CYP27A1: variants seen among roughly 807,000 people sequenced by gnomAD.
The protein encoded by CYP27A1 is sterol 26-hydroxylase, mitochondrial.
A neutral mutation model predicts 58.2 loss-of-function variants in CYP27A1; 46 were observed. The observed-to-expected ratio is 0.79, with a 90% CI of 0.62 to 1.01. The LOEUF (loss-of-function observed/expected upper bound fraction) is 1.01, where lower values mean the gene tolerates loss of function less well. Among genes scored for constraint, CYP27A1 ranks in the 50% least tolerant of loss-of-function variants. The pLI is 0.00. For missense variants in CYP27A1, 704 were observed against 687.0 expected, an observed-to-expected ratio of 1.02 and a Z score of -0.28; for synonymous variants, 274 against 285.1, an observed-to-expected ratio of 0.96 and a Z score of 0.39.
chr2:218,803,077 T>C (rs1203711142), intron 1 of CYP27A1, among the ~76,000 whole-genome samples: 2 of 152,150 alleles, frequency 1.3e-5, no homozygotes, highest in Admixed American at 6.5e-5. Context: ...CCCAAGTAGC[T>C]GGGACTACAA....
chr2:218,814,378 A>G lies in CYP27A1; in HGVS notation c.1185-2A>G, dbSNP rs1553616457. ...AGACTCCAGACATTCTTTTCCCTGC[A>G]GTCTCTACCCTGTGGTCCCCACAAA... On this transcript the variant is annotated splice_acceptor_variant, in intron 6 of 8. Transcript: ENST00000258415. LOFTEE classifies it high-confidence loss of function. The G allele has an allele frequency of 1.9e-6, 3 of 1,614,078 alleles. No homozygotes were observed. Among genetic ancestry groups the G allele is most frequent in the Non-Finnish European group, 2.5e-6 (3 of 1,179,900 alleles).
chr2:218,788,541 A>C (rs1311980412), intron 1 of CYP27A1, among the ~76,000 whole-genome samples: 1 of 152,192 alleles, frequency 6.6e-6, no homozygotes, highest in African/African-American at 2.4e-5. Flanking sequence ...CCTAGGATTC[A>C]GGTACCTAGG....
intron 5 of CYP27A1, 69 bp from the exon 6 acceptor site, chr2:218,813,952 A>G: frequency 1.3e-6 from 2 of 1,578,486 alleles, no homozygotes; most frequent in Non-Finnish European, 1.7e-6. Flanking sequence ...ACACCCACTC[A>G]TACACCCTCC....
rs397688567 is a variant in CYP27A1, at chr2:218,801,995, T to TTTTTTA, written c.256-7582_256-7581insTTTTTA. 8.8e-3 allele frequency among the ~76,000 whole-genome samples: 1,306 copies of TTTTTTA among 149,192 alleles called. 31 individuals carry two copies. The highest frequency in any genetic ancestry group is 0.031 in the African/African-American group (1,219 of 39,658). The stretch of plus-strand genomic sequence containing the variant: ...GCTAGCAGGCTTTTTTTTTTTTTTT[T>TTTTTTA]AATTCCTATTTAAGGCACTCTTTAG... On this transcript the variant is annotated intron_variant, in intron 1 of 8. Coordinates refer to ENST00000258415, the MANE Select transcript of CYP27A1 (RefSeq NM_000784.4).
chr2:218,811,645 C>G (rs1483344731), intron 2 of CYP27A1, among the ~76,000 whole-genome samples: 1 of 152,194 alleles, frequency 6.6e-6, no homozygotes, highest in Non-Finnish European at 1.5e-5. Context: ...CTCCCTGTCC[C>G]TCTGACCCAC....
At position 218,814,532 on chromosome 2, in the gene CYP27A1, T is replaced by C; in HGVS notation, c.1264-13T>C. On this transcript the variant is annotated splice_polypyrimidine_tract_variant and intron_variant, in intron 7 of 8. Coordinates refer to ENST00000258415, the MANE Select transcript of CYP27A1 (RefSeq NM_000784.4). The stretch of plus-strand genomic sequence containing the variant: ...GAAGAGAGGCATTCATGCTGCCCAA[T>C]CTTCCTTTATAGACCCAGTTTGTGT... The C allele has an allele frequency of 1.9e-6, 3 of 1,614,040 alleles. No individual in the cohort carries two copies. The highest frequency in any genetic ancestry group is 2.5e-6 in the Non-Finnish European group (3 of 1,179,888).
chr2:218,806,644 G>T (rs1236479631), intron 1 of CYP27A1, among the ~76,000 whole-genome samples: 1 of 152,232 alleles, frequency 6.6e-6, no homozygotes, highest in African/African-American at 2.4e-5. Context: ...TCAGGGATCC[G>T]TGGAGTAAGT....
intron 1 of CYP27A1, among the ~76,000 whole-genome samples, chr2:218,786,192 C>G (rs773933263): frequency 1.8e-4 from 27 of 152,238 alleles, no homozygotes; most frequent in Non-Finnish European, 3.2e-4. Flanking sequence ...AGTTGGTTGA[C>G]TGGCTTGGCC....
intron 1 of CYP27A1, among the ~76,000 whole-genome samples, chr2:218,795,409 G>T (rs1236455398): frequency 6.6e-6 from 1 of 152,182 alleles, no homozygotes; most frequent in Non-Finnish European, 1.5e-5. Flanking sequence ...GGAGAGAAAG[G>T]GATGTCTTGT....
At chr2:218,797,248 C>T (rs1423595249) in intron 1 of CYP27A1, among the ~76,000 whole-genome samples, 2 of 151,962 alleles carry the variant, frequency 1.3e-5, no homozygotes, top group East Asian at 3.9e-4. Context: ...TACAGGCGCC[C>T]ACCACCACAC....
chr2:218,789,197 G>A (rs577171120), intron 1 of CYP27A1, among the ~76,000 whole-genome samples: 2 of 152,264 alleles, frequency 1.3e-5, no homozygotes, highest in South Asian at 4.2e-4. Flanking sequence ...CCATAGTAGG[G>A]GGCTAATTAA....
chr2:218,789,818 G>A (rs920139006), intron 1 of CYP27A1, among the ~76,000 whole-genome samples: 2 of 152,132 alleles, frequency 1.3e-5, no homozygotes, highest in East Asian at 3.9e-4. Flanking sequence ...GAACCCACTG[G>A]GAAATAGCAG....
intron 1 of CYP27A1, among the ~76,000 whole-genome samples, chr2:218,799,655 G>A (rs1186802244): frequency 6.6e-6 from 1 of 151,892 alleles, no homozygotes; most frequent in Non-Finnish European, 1.5e-5. Flanking sequence ...ATAATCATGT[G>A]AGCCAATTCT....
intron 1 of CYP27A1, among the ~76,000 whole-genome samples, chr2:218,786,456 T>C (rs1305773573): frequency 8.5e-5 from 13 of 152,180 alleles, no homozygotes; most frequent in Admixed American, 8.5e-4. Context: ...TTGAGAAGCA[T>C]TGTAGCACTT....
At chr2:218,791,905 C>T (rs1439452075) in intron 1 of CYP27A1, among the ~76,000 whole-genome samples, 1 of 152,086 alleles carries the variant, frequency 6.6e-6, no homozygotes, top group East Asian at 1.9e-4. Context: ...AACCAGACGA[C>T]CTGCATTGAA....
intron 1 of CYP27A1, among the ~76,000 whole-genome samples, chr2:218,794,542 A>G (rs978950841): frequency 1.3e-5 from 2 of 152,178 alleles, no homozygotes; most frequent in African/African-American, 4.8e-5. Context: ...GCCTTTTACC[A>G]GTTTGCCCAG....
intron 1 of CYP27A1, among the ~76,000 whole-genome samples, chr2:218,799,922 G>A (rs553789073): frequency 6.6e-6 from 1 of 152,114 alleles, no homozygotes; most frequent in Admixed American, 6.5e-5. Context: ...ACCTTGATCA[G>A]TGCATAAAGC....
rs587778779 is a variant in CYP27A1, at chr2:218,814,379, G to T, written c.1185-1G>T. On this transcript the variant is annotated splice_acceptor_variant, in intron 6 of 8. Transcript: ENST00000258415. LOFTEE classifies it high-confidence loss of function. ...GACTCCAGACATTCTTTTCCCTGCA[G>T]TCTCTACCCTGTGGTCCCCACAAAC... The T allele has an allele frequency of 1.2e-6, 2 of 1,614,132 alleles. No individual in the cohort carries two copies. The highest frequency in any genetic ancestry group is 1.7e-6 in the Non-Finnish European group (2 of 1,179,942).
At position 218,812,744 on chromosome 2, in the gene CYP27A1, C is replaced by G. The variant is rs1943736995; in HGVS notation, c.839C>G (p.Ser280Cys). ...CTGGATGGTTGGAATGCCATCTTTTCCTTTGGTGAGGACTCCCAGATGGGG... is the reference window on the plus strand; with the variant it reads ...CTGGATGGTTGGAATGCCATCTTTTGCTTTGGTGAGGACTCCCAGATGGGG... ...RYLDGWNAIF[S>C]FGKKLIDEKL... is the part of the protein sequence containing the mutation. The change falls in exon 4 of 9, where the codon TCC (serine) becomes TGC (cysteine). Residue 280 changes from serine (S) to cysteine (C), a missense_variant. Physicochemically the swap from Ser to Cys is moderately radical, Grantham distance 112. Transcript: ENST00000258415. 1.9e-6 allele frequency: 3 copies of G among 1,614,216 alleles called. No homozygotes were observed. Among genetic ancestry groups the G allele is most frequent in the African/African-American group, 2.7e-5 (2 of 75,052 alleles).
Sources: allele counts gnomAD v4.1 joint callset (sites outside exome capture counted in the v4.1 genomes callset), GRCh38; gene constraint gnomAD v4.1.1; transcripts MANE v1.5; gene names NCBI Gene and HGNC (gene_info 2026-07-23, HGNC 2026-07-21).